Variants in HERC1 observed in about 807,000 individuals in gnomAD.
The protein encoded by HERC1 is probable E3 ubiquitin-protein ligase HERC1.
HERC1 carries 160 observed loss-of-function variants against 554.3 expected under a neutral mutation model. The observed-to-expected ratio is 0.29, with a 90% CI of 0.25 to 0.33. The LOEUF (loss-of-function observed/expected upper bound fraction) is 0.33, where lower values mean the gene tolerates loss of function less well. HERC1 is among the 10% of genes least tolerant of loss of function. The probability of loss-of-function intolerance (pLI) is 1.00; values close to 1 mark genes in which losing one functional copy is unlikely to be tolerated. For missense variants in HERC1, 4,919 were observed against 5,918.5 expected, an observed-to-expected ratio of 0.83 and a Z score of 5.54; for synonymous variants, 2,175 against 2,131.7, an observed-to-expected ratio of 1.02 and a Z score of -0.56.
At position 63,758,435 on chromosome 15, in the gene HERC1, T is replaced by A; in HGVS notation, c.1027-66A>T. 9.0e-7 allele frequency: 1 copy of A among 1,116,904 alleles called. No homozygotes were observed. Among genetic ancestry groups the A allele is most frequent in the Non-Finnish European group, 1.3e-6 (1 of 785,822 alleles). 69.2% of individuals were successfully genotyped at this position (1,116,904 alleles called of 1,614,324 possible). A position where few individuals can be genotyped will look rare whatever the true frequency, so the allele number is the denominator to read the frequency against. On this transcript the variant is annotated intron_variant, in intron 3 of 77. Transcript: ENST00000443617. This position sits in a 1 kb window ranked among gnomAD's most constrained non-coding sequence, Gnocchi z 4.0. ...TTTTAGTCTGGGCATTTTTTATACA[T>A]ATCCTCTGAAATTACTGTTGCCTTT...
rs566038931 is a variant in HERC1, at chr15:63,811,564, C to CT, written c.-27+22262dup. On this transcript the variant is annotated intron_variant, in intron 1 of 77. Coordinates refer to ENST00000443617, the MANE Select transcript of HERC1 (RefSeq NM_003922.4). ...GTGGCTCACGCCTGTAATCCCAGCA[C>CT]TTTCGGCGGCCGAGACGGGCAGATC... Among the ~76,000 whole-genome samples, 35 of 152,184 alleles carry CT rather than the reference C, an allele frequency of 2.3e-4. No homozygotes were observed. In the South Asian group the frequency reaches 6.4e-3, roughly 28 times the overall value.
At chr15:63,822,855 C>CT (rs1300045270) in intron 1 of HERC1, among the ~76,000 whole-genome samples, 1 of 151,964 alleles carries the variant, frequency 6.6e-6, no homozygotes, top group African/African-American at 2.4e-5. Flanking sequence ...AGATGATTTG[C>CT]TAATAGACTG....
At chr15:63,706,298 A>AT (rs903676932) in intron 25 of HERC1, among the ~76,000 whole-genome samples, 10 of 152,080 alleles carry the variant, frequency 6.6e-5, no homozygotes, top group Non-Finnish European at 2.9e-5. Flanking sequence ...CATCTCTTAC[A>AT]TGCTTTATCT....
Position 63,812,876 on chromosome 15 carries a change from T to C in HERC1, c.-27+20951A>G, listed in dbSNP as rs556489887. Among the ~76,000 whole-genome samples the C allele has an allele frequency of 4.3e-4, 66 of 152,292 alleles. 3 individuals are homozygous for C. The South Asian group carries it at 0.013, about 31-fold the overall frequency. Reference sequence around the variant, plus strand: ...CACATTCCTAGATTCGAAGACTAAATATTATAAAATGTCAACTGTCCCCCA... The same window carrying C: ...CACATTCCTAGATTCGAAGACTAAACATTATAAAATGTCAACTGTCCCCCA... On this transcript the variant is annotated intron_variant, in intron 1 of 77. Transcript: ENST00000443617.
rs1219017710 is a variant in HERC1, at chr15:63,649,575, T to C, written c.10747+150A>G. The C allele has an allele frequency of 4.8e-6, 3 of 628,962 alleles. No individual in the cohort carries two copies. The East Asian group carries it at 8.2e-5, about 17-fold the overall frequency. The allele number at this position is 628,962 out of a possible 1,614,324, so 39.0% of individuals were successfully genotyped here. A position where few individuals can be genotyped will look rare whatever the true frequency, so the allele number is the denominator to read the frequency against. On this transcript the variant is annotated intron_variant, in intron 54 of 77. Coordinates refer to ENST00000443617, the MANE Select transcript of HERC1 (RefSeq NM_003922.4). Reference sequence around the variant, plus strand: ...AGGAGATAAATATCTTTCAATTCAGTAACTAATTAAAATTAAAACATGACT... The same window carrying C: ...AGGAGATAAATATCTTTCAATTCAGCAACTAATTAAAATTAAAACATGACT...
chr15:63,732,838 C>A, intron 14 of HERC1, 86 bp downstream of exon 14: 1 of 869,480 alleles, frequency 1.2e-6, no homozygotes. Flanking sequence ...TGATTTCTAT[C>A]ATAGGTGTTT....
intron 1 of HERC1, among the ~76,000 whole-genome samples, chr15:63,811,346 T>C (rs1014467797): frequency 1.3e-5 from 2 of 152,120 alleles, no homozygotes; most frequent in Admixed American, 6.5e-5. Flanking sequence ...AATGTATGCA[T>C]GTTTAGAGGG....
At chr15:63,641,177 T>C (rs2069039643) in intron 60 of HERC1, among the ~76,000 whole-genome samples, 1 of 152,220 alleles carries the variant, frequency 6.6e-6, no homozygotes, top group Admixed American at 6.5e-5. Context: ...AAAGGGAAGA[T>C]ATTCTGCTGC....
chr15:63,642,539 T>C (rs1427389427), intron 59 of HERC1, among the ~76,000 whole-genome samples: 1 of 152,282 alleles, frequency 6.6e-6, no homozygotes, highest in East Asian at 1.9e-4. Flanking sequence ...GGTTTCACCA[T>C]GTTGGCCAAG....
Position 63,612,428 on chromosome 15 carries a change from C to G in HERC1, c.14223G>C (p.Val4741=). ...PEISVEVLKK[V]VRYREVDEQH... ...GCTCATCCACCTCACGGTACCGCAC[C>G]ACTTTCTTCAAGACTTCCACAGAGA... The change falls in exon 77 of 78, where the codon GTG becomes GTC. Residue 4741 remains valine (V), a synonymous_variant. Transcript: ENST00000443617. This position sits in a 1 kb window ranked among gnomAD's most constrained non-coding sequence, Gnocchi z 5.0. 1 of 1,614,034 alleles carries G rather than the reference C, an allele frequency of 6.2e-7. No individual in the cohort carries two copies.
chr15:63,672,617 T>C lies in HERC1; in HGVS notation c.7924A>G (p.Ser2642Gly). Residue 2642 changes from serine to glycine, a missense_variant, in exon 39 of 78, where the codon AGC becomes GGC. Physicochemically the swap from Ser to Gly is moderately conservative, Grantham distance 56. Coordinates refer to ENST00000443617, the MANE Select transcript of HERC1 (RefSeq NM_003922.4). ...GAGCTGCTCATAAAGGAGGTCGTGC[T>C]TGAGGCTGATGGGCTAGTAGTAACT... ...TPVTTSPSAS[S>G]TTSFMSSSLE... is the part of the protein sequence containing the mutation. 3 of 1,612,968 alleles carry C rather than the reference T, an allele frequency of 1.9e-6. No individual in the cohort carries two copies. The highest frequency in any genetic ancestry group is 2.5e-6 in the Non-Finnish European group (3 of 1,179,478).
chr15:63,680,258 GAACAA>G lies in HERC1; in HGVS notation c.6466-103_6466-99del. 1 of 923,334 alleles carries G rather than the reference GAACAA, an allele frequency of 1.1e-6. No individual in the cohort carries two copies. The highest frequency in any genetic ancestry group is 2.3e-4 in the Middle Eastern group (1 of 4,296). The allele number at this position is 923,334 out of a possible 1,614,324, so 57.2% of individuals were successfully genotyped here. A position where few individuals can be genotyped will look rare whatever the true frequency, so the allele number is the denominator to read the frequency against. On this transcript the variant is annotated intron_variant, in intron 35 of 77. Transcript: ENST00000443617. The surrounding 1 kb of genome is among the most constrained non-coding windows in gnomAD (Gnocchi z 5.8). ...TAGAATTGAAAGCTTTTATGAGACA[GAACAA>G]AAGTTACTAGATCAAATTCTCAATT...
At chr15:63,705,874 T>TA (rs961086949) in intron 25 of HERC1, among the ~76,000 whole-genome samples, 1 of 151,484 alleles carries the variant, frequency 6.6e-6, no homozygotes, top group African/African-American at 2.4e-5. Context: ...ACAAAAATAA[T>TA]AAAAAACTAG....
In HERC1 at chr15:63,655,915, A is replaced by C. The variant is rs780088688; in HGVS notation, c.9911T>G (p.Val3304Gly). The change falls in exon 50 of 78, where the codon GTT becomes GGT. Residue 3304 changes from valine to glycine, a missense_variant. Val to Gly is a moderately radical substitution (Grantham distance 109). Coordinates refer to ENST00000443617, the MANE Select transcript of HERC1 (RefSeq NM_003922.4). The stretch of plus-strand genomic sequence containing the variant: ...AAACTTTCGCTGAATTGAGTCATCA[A>C]CTGTGGTTAGATTTACACCTGTTGC... Reference protein sequence around the residue: ...SAATGVNLTTVDDSIQRKFLP... With the variant: ...SAATGVNLTTGDDSIQRKFLP... The C allele has an allele frequency of 4.3e-6, 7 of 1,613,028 alleles. No individual in the cohort carries two copies. The highest frequency in any genetic ancestry group is 4.2e-6 in the Non-Finnish European group (5 of 1,179,592).
chr15:63,789,247 C>T (rs1454456111), intron 1 of HERC1, among the ~76,000 whole-genome samples: 17 of 149,090 alleles, frequency 1.1e-4, no homozygotes, highest in African/African-American at 3.7e-4. Flanking sequence ...CCCGCCACTA[C>T]GCCCGGCTAA....
At chr15:63,707,866 T>G (rs1596028390) in intron 24 of HERC1, among the ~76,000 whole-genome samples, 1 of 140,082 alleles carries the variant, frequency 7.1e-6, no homozygotes, top group South Asian at 2.2e-4. Context: ...GAGGCGGAGG[T>G]TGCAGTGAGC....
At position 63,692,670 on chromosome 15, in the gene HERC1, A is replaced by G. The variant is rs1230178298; in HGVS notation, c.5675-104T>C. ...CTGCAGTAAGCACAAATCTAATGCA[A>G]AATCTTAGGCTGTCAGCTACTGAAT... is the stretch of plus-strand genomic sequence containing the variant. On this transcript the variant is annotated intron_variant, in intron 30 of 77. Coordinates refer to ENST00000443617, the MANE Select transcript of HERC1 (RefSeq NM_003922.4). The surrounding 1 kb of genome is among the most constrained non-coding windows in gnomAD (Gnocchi z 4.7). 2.0e-6 allele frequency: 2 copies of G among 985,390 alleles called. No homozygotes were observed. The highest frequency in any genetic ancestry group is 1.6e-5 in the African/African-American group (1 of 60,824). The allele number at this position is 985,390 out of a possible 1,614,324, so 61.0% of individuals were successfully genotyped here.
rs756487485 is a variant in HERC1, at chr15:63,672,613, G to A, written c.7928C>T (p.Thr2643Met). Reference protein sequence around the residue: ...PVTTSPSASSTTSFMSSSLED... With the variant: ...PVTTSPSASSMTSFMSSSLED... Reference sequence around the variant, plus strand: ...CAGAGAGCTGCTCATAAAGGAGGTCGTGCTTGAGGCTGATGGGCTAGTAGT... The same window carrying A: ...CAGAGAGCTGCTCATAAAGGAGGTCATGCTTGAGGCTGATGGGCTAGTAGT... Residue 2643 changes from threonine (T) to methionine (M), a missense_variant, in exon 39 of 78, where the codon ACG becomes ATG. Thr to Met is a moderately conservative substitution (Grantham distance 81, BLOSUM62 -1). Coordinates refer to ENST00000443617, the MANE Select transcript of HERC1 (RefSeq NM_003922.4). 10 of 1,612,606 alleles carry A rather than the reference G, an allele frequency of 6.2e-6. No individual in the cohort carries two copies. Among genetic ancestry groups the A allele is most frequent in the Admixed American group, 1.7e-5 (1 of 59,848 alleles).
At chr15:63,631,103 T>G (rs2068531272) in intron 68 of HERC1, among the ~76,000 whole-genome samples, 1 of 152,174 alleles carries the variant, frequency 6.6e-6, no homozygotes, top group Non-Finnish European at 1.5e-5. Context: ...CTCAGCCTCC[T>G]GAGTAGCTTG....
Sources: allele counts gnomAD v4.1 joint callset (sites outside exome capture counted in the v4.1 genomes callset), GRCh38; gene constraint gnomAD v4.1.1; non-coding constraint Gnocchi (gnomAD v3.1); transcripts MANE v1.5; gene names NCBI Gene and HGNC (gene_info 2026-07-23, HGNC 2026-07-21).